The following BRF1 variants were observed in gnomAD, a reference collection of about 807,000 sequenced individuals.
BRF1 encodes the protein transcription factor IIIB 90 kDa subunit.
A neutral mutation model predicts 81.7 loss-of-function variants in BRF1; 59 were observed. That is an observed-to-expected ratio of 0.72 (90% CI 0.59 to 0.90). The LOEUF (loss-of-function observed/expected upper bound fraction) is 0.90. BRF1 is among the 40% of genes least tolerant of loss of function. The pLI, the probability that BRF1 is intolerant of heterozygous loss-of-function variation, is 0.00. For missense variants in BRF1, 1,050 were observed against 936.3 expected (o/e 1.12, Z -1.58); for synonymous variants, 491 against 395.6 (o/e 1.24, Z -2.86).
intron 1 of BRF1, among the ~76,000 whole-genome samples, chr14:105,298,617 G>A (rs1432258350): frequency 6.6e-6 from 1 of 152,222 alleles, no homozygotes; most frequent in Non-Finnish European, 1.5e-5. Flanking sequence ...CACTTTGGGA[G>A]GCTGAGGCAG....
upstream of BRF1, among the ~76,000 whole-genome samples, chr14:105,303,500 C>T (rs8016996): frequency 0.046 from 6,977 of 152,312 alleles, 538 homozygotes; most frequent in African/African-American, 0.16. Context: ...GTCTCGCCCT[C>T]CCAAAGTGCT....
At position 105,280,863 on chromosome 14, in the gene BRF1, G is replaced by A. The variant is rs185181110; in HGVS notation, c.265+5433C>T. Among the ~76,000 whole-genome samples, 174 of 151,534 alleles carry A rather than the reference G, an allele frequency of 1.1e-3. 1 individual carries two copies. Among genetic ancestry groups the A allele is most frequent in the Non-Finnish European group, 2.2e-3 (150 of 67,806 alleles). On this transcript the variant is annotated intron_variant, in intron 2 of 17. Transcript: ENST00000547530. ...GCATGACCCTGAGCCCGGGTGTGTG[G>A]ATACAGCCCACGTGACCCTGAGCCC...
At chr14:105,293,236 G>A (rs894204248) in intron 1 of BRF1, among the ~76,000 whole-genome samples, 3 of 152,170 alleles carry the variant, frequency 2.0e-5, no homozygotes, top group African/African-American at 4.8e-5. Flanking sequence ...CCCAGCAGGC[G>A]AGGGCAACTC....
intron 3 of BRF1, among the ~76,000 whole-genome samples, chr14:105,262,836 T>A (rs1332412420): frequency 3.3e-5 from 5 of 151,956 alleles, no homozygotes; most frequent in Non-Finnish European, 5.9e-5. Context: ...CTTCCAATTC[T>A]CGCCAATTCT....
At chr14:105,227,855 C>G (rs1403776468) in intron 7 of BRF1, 1 of 152,208 alleles carries the variant, frequency 6.6e-6, no homozygotes, top group Non-Finnish European at 1.5e-5. Context: ...TTGGAAAATG[C>G]CACAGGACAC....
intron 5 of BRF1, chr14:105,249,968 G>A (rs1403962155): frequency 1.3e-5 from 21 of 1,612,268 alleles, no homozygotes; most frequent in Non-Finnish European, 1.6e-5. Context: ...CTTCGAGGCC[G>A]TCCTGAACTG....
At chr14:105,224,714 A>C (rs1415294320) in intron 10 of BRF1, among the ~76,000 whole-genome samples, 1 of 152,012 alleles carries the variant, frequency 6.6e-6, no homozygotes, top group African/African-American at 2.4e-5. Context: ...TGCCCAGCTA[A>C]TTTTTTTATT....
At chr14:105,221,232 G>A (rs1892232986) in intron 11 of BRF1, among the ~76,000 whole-genome samples, 3 of 152,202 alleles carry the variant, frequency 2.0e-5, no homozygotes, top group African/African-American at 7.2e-5. Flanking sequence ...ACGGTGGCCT[G>A]GCCTGGGCAC....
intron 3 of BRF1, among the ~76,000 whole-genome samples, chr14:105,270,144 G>A (rs1411159389): frequency 1.3e-5 from 2 of 151,112 alleles, no homozygotes; most frequent in African/African-American, 4.9e-5. Flanking sequence ...CTTTTACGCA[G>A]AAATGACAAA....
intron 3 of BRF1, among the ~76,000 whole-genome samples, chr14:105,258,626 C>T (rs1167821285): frequency 4.0e-5 from 6 of 151,666 alleles, no homozygotes; most frequent in South Asian, 2.1e-4. Context: ...GGTGAAACCC[C>T]GTCTCTACTA....
chr14:105,241,802 C>G (rs900200532), intron 5 of BRF1: 27 of 235,986 alleles, frequency 1.1e-4, no homozygotes, highest in African/African-American at 4.6e-4. Context: ...GCTGGGTACA[C>G]AAGTCGCCAG....
intron 2 of BRF1, among the ~76,000 whole-genome samples, chr14:105,282,783 A>G (rs1186018305): frequency 6.6e-6 from 1 of 152,082 alleles, no homozygotes; most frequent in East Asian, 1.9e-4. Context: ...AAATACAAAA[A>G]TTAGCCGGGC....
intron 15 of BRF1, among the ~76,000 whole-genome samples, chr14:105,214,944 C>T (rs1461035579): frequency 6.6e-6 from 1 of 152,240 alleles, no homozygotes; most frequent in Non-Finnish European, 1.5e-5. Flanking sequence ...ACAAGCCCTT[C>T]TGTCCCCAGG....
At position 105,265,102 on chromosome 14, in the gene BRF1, C is replaced by T. The variant is rs587620483; in HGVS notation, c.439+7619G>A. 2.1e-3 allele frequency among the ~76,000 whole-genome samples: 293 copies of T among 140,832 alleles called. 1 individual carries two copies. Among genetic ancestry groups the T allele is most frequent in the African/African-American group, 7.0e-3 (269 of 38,288 alleles). The allele number at this position is 140,832 out of a possible 152,430, so 92.4% of individuals were successfully genotyped here. A position where few individuals can be genotyped will look rare whatever the true frequency, so the allele number is the denominator to read the frequency against. On this transcript the variant is annotated intron_variant, in intron 3 of 17. Transcript: ENST00000547530. ...TTTTAGAGACAGGGTCTCACTCTGT[C>T]GCCCAGGCTGGAATGCACTGATGCA...
Position 105,272,468 on chromosome 14 carries a change from G to A in BRF1, c.439+253C>T, listed in dbSNP as rs143307430. 4.1e-3 allele frequency among the ~76,000 whole-genome samples: 624 copies of A among 152,334 alleles called. 3 individuals carry two copies. Among genetic ancestry groups the A allele is most frequent in the Middle Eastern group, 0.014 (4 of 294 alleles). ...ATCCAGGGCATGATTCTCAGGCACC[G>A]ACAGAACCCTCGCTCTGCATGCCCA... is the stretch of plus-strand genomic sequence containing the variant. On this transcript the variant is annotated intron_variant, in intron 3 of 17. Transcript: ENST00000547530.
chr14:105,275,804 C>A lies in BRF1; in HGVS notation c.266-2910G>T, dbSNP rs976477427. Among the ~76,000 whole-genome samples the A allele has an allele frequency of 6.5e-4, 99 of 152,244 alleles. 1 individual carries two copies. The highest frequency in any genetic ancestry group is 6.5e-3 in the Admixed American group (99 of 15,282). On this transcript the variant is annotated intron_variant, in intron 2 of 17. Coordinates refer to ENST00000547530, the MANE Select transcript of BRF1 (RefSeq NM_001519.4). Reference sequence around the variant, plus strand: ...ATGGTATTAAGATGCAGGGCCTTTGCGGGAGACTAGGTCAGGAGGCAGAGC... The same window carrying A: ...ATGGTATTAAGATGCAGGGCCTTTGAGGGAGACTAGGTCAGGAGGCAGAGC...
In BRF1 at chr14:105,309,066, T is replaced by C. The variant is rs1015110402; in HGVS notation, c.-162+6256A>G. Among the ~76,000 whole-genome samples, 1 of 152,214 alleles carries C rather than the reference T, an allele frequency of 6.6e-6. No homozygotes were observed. Among genetic ancestry groups the C allele is most frequent in the Non-Finnish European group, 1.5e-5 (1 of 68,030 alleles). On this transcript the variant is annotated intron_variant, in intron 1 of 17. Transcript: ENST00000327359. The surrounding 1 kb of genome is among the most constrained non-coding windows in gnomAD (Gnocchi z 4.0). ...AAGAGCACTGAGGTTGAGTGTTGGTTGACACGTGTTGCGGTAATTGCTGTT... is the reference window on the plus strand; with the variant it reads ...AAGAGCACTGAGGTTGAGTGTTGGTCGACACGTGTTGCGGTAATTGCTGTT...
At chr14:105,312,243 C>A (rs587651463) in intron 1 of BRF1, among the ~76,000 whole-genome samples, 47 of 152,346 alleles carry the variant, frequency 3.1e-4, no homozygotes, top group African/African-American at 1.1e-3. Context: ...CTCGGCCCAT[C>A]CTGTCCCATG....
At chr14:105,244,275 C>T (rs2054923186) in intron 5 of BRF1, among the ~76,000 whole-genome samples, 1 of 151,760 alleles carries the variant, frequency 6.6e-6, no homozygotes, top group Non-Finnish European at 1.5e-5. Flanking sequence ...AGACCCCCAT[C>T]TTTACAAAAA....
Sources: allele counts gnomAD v4.1 joint callset (sites outside exome capture counted in the v4.1 genomes callset), GRCh38; gene constraint gnomAD v4.1.1; non-coding constraint Gnocchi (gnomAD v3.1); transcripts MANE v1.5; gene names NCBI Gene and HGNC (gene_info 2026-07-23, HGNC 2026-07-21).